The following TUSC3 variants were observed in gnomAD, a reference collection of about 807,000 sequenced individuals.
TUSC3 encodes the protein tumor suppressor candidate 3, also known as dolichyl-diphosphooligosaccharide--protein glycosyltransferase subunit TUSC3.
A neutral mutation model predicts 44.8 loss-of-function variants in TUSC3; 45 were observed. The ratio of observed to expected loss-of-function variants is 1.00; its 90% confidence interval spans 0.79 to 1.29. TUSC3 has a LOEUF of 1.29. TUSC3 is among the 50% of genes most tolerant of loss of function. TUSC3 has a pLI of 0.00. For synonymous variants in TUSC3, 212 were observed against 152.9 expected (o/e 1.39, Z -2.85); for missense variants, 519 against 437.9 (o/e 1.19, Z -1.65).
chr8:15,424,616 T>C (rs551676625), intron 1 of TUSC3, among the ~76,000 whole-genome samples: 54 of 152,242 alleles, frequency 3.5e-4, no homozygotes, highest in East Asian at 2.3e-3. Context: ...TGCGGTGGCT[T>C]ACGCCTGTAA....
chr8:15,660,755 T>C (rs1807385655), intron 4 of TUSC3, among the ~76,000 whole-genome samples: 1 of 151,892 alleles, frequency 6.6e-6, no homozygotes, highest in African/African-American at 2.4e-5. Flanking sequence ...TATTTTGTTA[T>C]GCAATGTATC....
intron 1 of TUSC3, among the ~76,000 whole-genome samples, chr8:15,584,384 C>T (rs927600062): frequency 2.0e-5 from 3 of 152,122 alleles, no homozygotes; most frequent in Admixed American, 1.3e-4. Context: ...TCTTACAATT[C>T]TCTTATCTGT....
intron 2 of TUSC3, among the ~76,000 whole-genome samples, chr8:15,628,181 C>G (rs1370046951): frequency 6.6e-6 from 1 of 152,152 alleles, no homozygotes; most frequent in Admixed American, 6.5e-5. Flanking sequence ...TTCCTAAAAT[C>G]ACTAGTATAG....
intron 1 of TUSC3, among the ~76,000 whole-genome samples, chr8:15,448,645 C>A (rs1384453671): frequency 6.6e-6 from 1 of 152,024 alleles, no homozygotes; most frequent in Non-Finnish European, 1.5e-5. Flanking sequence ...AATAATATTG[C>A]AGGATTGGCT....
chr8:15,622,732 G>A (rs1222614103), intron 1 of TUSC3, among the ~76,000 whole-genome samples: 39 of 152,046 alleles, frequency 2.6e-4, no homozygotes, highest in Admixed American at 2.5e-3. Flanking sequence ...CTAGACTAGA[G>A]TAGAGCAGTT....
At chr8:15,718,613 A>G (rs1211847885) in intron 6 of TUSC3, among the ~76,000 whole-genome samples, 5 of 152,096 alleles carry the variant, frequency 3.3e-5, no homozygotes, top group African/African-American at 9.7e-5. Flanking sequence ...TAAAAAGAGA[A>G]TAGAACTTCA....
At chr8:15,623,784 T>G (rs577007692) in intron 2 of TUSC3, among the ~76,000 whole-genome samples, 6 of 152,152 alleles carry the variant, frequency 3.9e-5, no homozygotes, top group Middle Eastern at 3.2e-3. Context: ...ATTGAAATTT[T>G]TATTTTGAAA....
chr8:15,475,834 T>C (rs1800567804), intron 1 of TUSC3, among the ~76,000 whole-genome samples: 1 of 152,154 alleles, frequency 6.6e-6, no homozygotes, highest in African/African-American at 2.4e-5. Context: ...GTCTAGATGA[T>C]ATAGTTGCAC....
chr8:15,758,749 T>C (rs352799), intron 10 of TUSC3, among the ~76,000 whole-genome samples: 4,379 of 152,184 alleles, frequency 0.029, 192 homozygotes, highest in African/African-American at 0.098. Context: ...GTTCTGGTCA[T>C]TCCTCATTGT....
chr8:15,449,158 G>A (rs1009378931), intron 1 of TUSC3, among the ~76,000 whole-genome samples: 4 of 152,116 alleles, frequency 2.6e-5, no homozygotes, highest in African/African-American at 7.2e-5. Context: ...GCTGAAAACA[G>A]GTATTTCCAG....
upstream of TUSC3, among the ~76,000 whole-genome samples, chr8:15,537,410 C>A (rs1801539786): frequency 6.6e-6 from 1 of 152,082 alleles, no homozygotes; most frequent in Admixed American, 6.6e-5. Context: ...ATATATAAAA[C>A]CAAGCTGCAC....
the TUSC3 span, among the ~76,000 whole-genome samples, chr8:15,849,082 T>C: frequency 6.6e-6 from 1 of 152,208 alleles, no homozygotes; most frequent in East Asian, 1.9e-4. Context: ...CTAAGAACTT[T>C]TCAGATTTGT....
intron 1 of TUSC3, among the ~76,000 whole-genome samples, chr8:15,620,146 GAGAT>G (rs769399687): frequency 1.5e-4 from 23 of 152,160 alleles, no homozygotes; most frequent in Admixed American, 2.6e-4. Context: ...ACACCATAAA[GAGAT>G]AGAAGATGAA....
Position 15,516,600 on chromosome 8 carries a change from G to A in TUSC3, n.189+33117G>A, listed in dbSNP as rs55993828. 9.8e-3 allele frequency among the ~76,000 whole-genome samples: 1,492 copies of A among 152,178 alleles called. 29 individuals carry two copies. The highest frequency in any genetic ancestry group is 0.034 in the African/African-American group (1,432 of 41,518). On this transcript the variant is annotated intron_variant and non_coding_transcript_variant, in intron 2 of 5. Transcript: ENST00000503191. ...AACTGAAAGCATTTGGCCCCTCCTC[G>A]AAATGCTTGTTTTGCCATTCTTTAC... is the stretch of plus-strand genomic sequence containing the variant.
At chr8:15,806,402 T>G in the TUSC3 span, 353 of 726,916 alleles carry the variant, frequency 4.9e-4, 1 homozygote, top group African/African-American at 6.0e-3. Context: ...CTGCTTCTGG[T>G]GATACTTTGG....
At chr8:15,848,639 G>A in the TUSC3 span, among the ~76,000 whole-genome samples, 3 of 152,242 alleles carry the variant, frequency 2.0e-5, no homozygotes, top group Admixed American at 6.5e-5. Flanking sequence ...CTGTCTTATG[G>A]ACTCAGACAA....
chr8:15,582,434 C>T (rs963359528), intron 1 of TUSC3, among the ~76,000 whole-genome samples: 8 of 152,266 alleles, frequency 5.3e-5, no homozygotes, highest in Admixed American at 4.6e-4. Context: ...AGATACGTAC[C>T]TTCATGCTAT....
the TUSC3 span, among the ~76,000 whole-genome samples, chr8:15,780,514 G>A: frequency 2.0e-5 from 3 of 152,176 alleles, no homozygotes; most frequent in African/African-American, 7.2e-5. Context: ...CCTGGGAATA[G>A]GGCAGAGAAA....
intron 6 of TUSC3, among the ~76,000 whole-genome samples, chr8:15,718,078 T>G (rs1225417269): frequency 2.0e-5 from 3 of 152,152 alleles, no homozygotes; most frequent in Admixed American, 6.6e-5. Flanking sequence ...TGACATAGAT[T>G]GCCAAGGGTT....
Sources: gnomAD v4.1 joint callset for allele counts (sites outside exome capture counted in the v4.1 genomes callset) on GRCh38, gnomAD v4.1.1 for gene constraint, MANE v1.5 for transcripts, NCBI Gene and HGNC (gene_info 2026-07-23, HGNC 2026-07-21) for gene names.